PTER: variants seen among roughly 807,000 people sequenced by gnomAD.
PTER encodes N-acetyltaurine hydrolase.
PTER carries 38 observed loss-of-function variants against 29.6 expected under a neutral mutation model. That is an observed-to-expected ratio of 1.28 (90% CI 0.99 to 1.68). PTER has a LOEUF of 1.68. Among genes scored for constraint, PTER ranks in the 40% most tolerant of loss-of-function variants. The probability of loss-of-function intolerance (pLI) is 0.00; values close to 1 mark genes in which losing one functional copy is unlikely to be tolerated. For synonymous variants in PTER, 172 were observed against 154.5 expected (o/e 1.11, Z -0.84); for missense variants, 482 against 427.8 (o/e 1.13, Z -1.12).
chr10:16,446,386 T>G (rs1834013936), intron 1 of PTER, among the ~76,000 whole-genome samples: 1 of 152,042 alleles, frequency 6.6e-6, no homozygotes, highest in Non-Finnish European at 1.5e-5. Flanking sequence ...GCCTGGCTAA[T>G]TTTTTGTATT....
chr10:16,504,018 G>T (rs1836466064), intron 3 of PTER, among the ~76,000 whole-genome samples: 1 of 152,082 alleles, frequency 6.6e-6, no homozygotes, highest in African/African-American at 2.4e-5. Context: ...GTCTAATGGG[G>T]TATATTTTTC....
chr10:16,493,813 G>A (rs1157183481), intron 3 of PTER, among the ~76,000 whole-genome samples: 1 of 152,094 alleles, frequency 6.6e-6, no homozygotes, highest in East Asian at 1.9e-4. Flanking sequence ...CCAAAATTCT[G>A]TATATTCATA....
intron 1 of PTER, among the ~76,000 whole-genome samples, chr10:16,468,065 G>A (rs1834905148): frequency 6.6e-6 from 1 of 152,142 alleles, no homozygotes; most frequent in Non-Finnish European, 1.5e-5. Flanking sequence ...AAAATGGCCA[G>A]GCATGGTGGC....
chr10:16,514,821 A>G, downstream of PTER: 1 of 735,912 alleles, frequency 1.4e-6, no homozygotes, highest in Non-Finnish European at 2.2e-6. Context: ...AATTTAGCAT[A>G]GCAAAGTCCA....
chr10:16,440,616 G>A (rs1414112364), intron 1 of PTER, among the ~76,000 whole-genome samples: 1 of 152,126 alleles, frequency 6.6e-6, no homozygotes, highest in Non-Finnish European at 1.5e-5. Context: ...CTAACGAAAC[G>A]CAAGTGGAGT....
rs1320502650 is a variant in PTER, at chr10:16,512,482, T to C, written c.*1226T>C. On this transcript the variant is annotated 3_prime_UTR_variant, in exon 5 of 5. Transcript: ENST00000535784. ...AAAGACCAATTAGAATTAGTCATTA[T>C]TCTTGATGAAGAGTCTGTTTTTAAT... is the stretch of plus-strand genomic sequence containing the variant. The C allele has an allele frequency of 6.6e-6, 1 of 152,194 alleles. No individual in the cohort carries two copies. Among genetic ancestry groups the C allele is most frequent in the Non-Finnish European group, 1.5e-5 (1 of 67,992 alleles). The allele number at this position is 152,194 out of a possible 1,614,324, so 9.4% of individuals were successfully genotyped here.
At chr10:16,462,170 C>T (rs555449609) in intron 1 of PTER, among the ~76,000 whole-genome samples, 13 of 152,048 alleles carry the variant, frequency 8.5e-5, no homozygotes, top group African/African-American at 2.4e-4. Flanking sequence ...ATTTTTAGTA[C>T]AGATGGGGTT....
At chr10:16,472,752 G>A (rs1835100812) in intron 1 of PTER, among the ~76,000 whole-genome samples, 1 of 152,140 alleles carries the variant, frequency 6.6e-6, no homozygotes, top group Non-Finnish European at 1.5e-5. Context: ...CCTCTGGACA[G>A]CTTTTTGAAA....
At chr10:16,509,525 C>T (rs985559614) in intron 4 of PTER, among the ~76,000 whole-genome samples, 1 of 152,024 alleles carries the variant, frequency 6.6e-6, no homozygotes, top group Non-Finnish European at 1.5e-5. Flanking sequence ...TGGAAAATGC[C>T]CAGAAAATAT....
intron 3 of PTER, among the ~76,000 whole-genome samples, 175 bp from the exon 4 acceptor site, chr10:16,504,845 A>T (rs191827154): frequency 6.6e-6 from 1 of 152,350 alleles, no homozygotes; most frequent in Admixed American, 6.5e-5. Context: ...TATTTCTAGT[A>T]ACAAATTGAA....
At chr10:16,474,114 G>A (rs1835165620) in intron 1 of PTER, among the ~76,000 whole-genome samples, 1 of 152,154 alleles carries the variant, frequency 6.6e-6, no homozygotes, top group South Asian at 2.1e-4. Flanking sequence ...CTACTTGAGA[G>A]GCTGAGGCAG....
intron 3 of PTER, among the ~76,000 whole-genome samples, chr10:16,497,012 G>A (rs545205669): frequency 6.7e-6 from 1 of 148,312 alleles, no homozygotes; most frequent in East Asian, 2.0e-4. Context: ...TCGGCTCACT[G>A]CAGCCTTTGC....
At chr10:16,452,678 T>C (rs1169850610) in intron 1 of PTER, among the ~76,000 whole-genome samples, 2 of 126,584 alleles carry the variant, frequency 1.6e-5, no homozygotes, top group Admixed American at 7.4e-5. Flanking sequence ...CTGATGATGA[T>C]TCTCCTTCTC....
At chr10:16,482,396 G>A (rs1397214530) in intron 1 of PTER, among the ~76,000 whole-genome samples, 1 of 152,022 alleles carries the variant, frequency 6.6e-6, no homozygotes, top group African/African-American at 2.4e-5. Context: ...AATAATCTAG[G>A]ATATACGTGA....
rs569693279 is a variant in PTER at position 16,513,466 on chromosome 10, G to C, written c.*2210G>C. ...TTTCATCTAATATATATATGTGTGT[G>C]TGAGTATATGTGTGCATGTTTAGCA... is the stretch of plus-strand genomic sequence containing the variant. On this transcript the variant is annotated 3_prime_UTR_variant, in exon 5 of 5. Transcript: ENST00000535784. 7.0e-6 allele frequency: 1 copy of C among 142,876 alleles called. No homozygotes were observed. The highest frequency in any genetic ancestry group is 2.0e-4 in the East Asian group (1 of 5,046). 8.9% of individuals were successfully genotyped at this position (142,876 alleles called of 1,614,324 possible). A position where few individuals can be genotyped will look rare whatever the true frequency, so the allele number is the denominator to read the frequency against.
intron 3 of PTER, among the ~76,000 whole-genome samples, chr10:16,501,885 AG>A (rs1424909432): frequency 6.6e-6 from 1 of 152,202 alleles, no homozygotes; most frequent in African/African-American, 2.4e-5. Flanking sequence ...GGGATCATGG[AG>A]GGTATTAAAT....
chr10:16,456,468 C>T (rs988569940), intron 1 of PTER, among the ~76,000 whole-genome samples: 1 of 152,184 alleles, frequency 6.6e-6, no homozygotes, highest in African/African-American at 2.4e-5. Context: ...AGTCATTTTG[C>T]ACTGTTGTTG....
chr10:16,473,614 G>A (rs1489950411), intron 1 of PTER, among the ~76,000 whole-genome samples: 3 of 142,988 alleles, frequency 2.1e-5, no homozygotes, highest in East Asian at 2.2e-4. Flanking sequence ...TTGCATCTCC[G>A]CATCTTTTTC....
intron 1 of PTER, among the ~76,000 whole-genome samples, chr10:16,476,902 T>TCTCTCTCTC (rs752273201): frequency 1.7e-5 from 2 of 116,228 alleles, no homozygotes; most frequent in South Asian, 5.0e-4. Flanking sequence ...CCTAGAATTC[T>TCTCTCTCTC]TTTTTTTTTT....
Sources: gnomAD v4.1 joint callset for allele counts (sites outside exome capture counted in the v4.1 genomes callset) on GRCh38, gnomAD v4.1.1 for gene constraint, MANE v1.5 for transcripts, NCBI Gene and HGNC (gene_info 2026-07-23, HGNC 2026-07-21) for gene names.